The following SVEP1 variants were observed in gnomAD, a reference collection of about 807,000 sequenced individuals.
SVEP1 encodes sushi, von Willebrand factor type A, EGF and pentraxin domain containing 1.
In SVEP1, 164 loss-of-function variants were observed where a neutral mutation model predicts 367.3. The observed-to-expected ratio is 0.45, with a 90% CI of 0.39 to 0.51. The LOEUF (loss-of-function observed/expected upper bound fraction) is 0.51, where lower values mean the gene tolerates loss of function less well. Ranked by LOEUF, SVEP1 falls within the 20% of genes least tolerant of loss-of-function variation. The pLI is 0.00. For missense variants in SVEP1, 4,117 were observed against 4,425.3 expected (o/e 0.93, Z 1.98); for synonymous variants, 1,666 against 1,611.6 (o/e 1.03, Z -0.81).
rs1430957380 is a variant in SVEP1 at position 110,500,045 on chromosome 9, T to C, written c.1484-807A>G. Among the ~76,000 whole-genome samples the C allele has an allele frequency of 2.0e-5, 3 of 152,234 alleles. No homozygotes were observed. In the East Asian group the frequency reaches 5.8e-4, roughly 29 times the overall value. On this transcript the variant is annotated intron_variant, in intron 6 of 47. Transcript: ENST00000374469. The stretch of plus-strand genomic sequence containing the variant: ...TGTAAGAAGTATTCCAACTTACAAA[T>C]GAAAACTGAGCACACTAGTAACTTT...
intron 3 of SVEP1, among the ~76,000 whole-genome samples, chr9:110,535,235 G>A (rs1830064704): frequency 6.6e-6 from 1 of 152,066 alleles, no homozygotes; most frequent in Non-Finnish European, 1.5e-5. Context: ...TTCTGCATAT[G>A]GCTAGCCAGT....
intron 2 of SVEP1, among the ~76,000 whole-genome samples, chr9:110,548,573 G>T (rs1049687496): frequency 1.4e-4 from 21 of 152,044 alleles, no homozygotes; most frequent in African/African-American, 5.1e-4. Context: ...CAAAAAAACA[G>T]AAAACGTCAG....
rs760597453 is a variant in SVEP1, at chr9:110,408,306, G to A, written c.7294C>T (p.Leu2432=). 1.2e-6 allele frequency: 2 copies of A among 1,613,994 alleles called. No homozygotes were observed. The highest frequency in any genetic ancestry group is 4.5e-5 in the East Asian group (2 of 44,878). ...CATTCTACTGGAACACATTCTGGCA[G>A]TGGAGAGCTCCAGGTGCCATCAGGT... ...CQPDGTWSSP[L]PECVPVECPQ... is the part of the protein sequence containing the mutation. Residue 2432 remains leucine, a synonymous_variant, in exon 38 of 48, where the codon CTG becomes TTG. Coordinates refer to ENST00000374469, the MANE Select transcript of SVEP1 (RefSeq NM_153366.4).
At chr9:110,516,156 A>G (rs1266796242) in intron 3 of SVEP1, among the ~76,000 whole-genome samples, 1 of 149,280 alleles carries the variant, frequency 6.7e-6, no homozygotes, top group African/African-American at 2.4e-5. Flanking sequence ...AAAATATAAT[A>G]TACTAAAACT....
chr9:110,530,725 CG>C (rs1407383001), intron 3 of SVEP1, among the ~76,000 whole-genome samples: 8 of 151,806 alleles, frequency 5.3e-5, no homozygotes, highest in African/African-American at 1.9e-4. Flanking sequence ...TTTGTAGAGA[CG>C]GGGTCTCACC....
At chr9:110,404,174 C>T (rs188267822) in intron 39 of SVEP1, among the ~76,000 whole-genome samples, 153 bp downstream of exon 39, 1 of 152,174 alleles carries the variant, frequency 6.6e-6, no homozygotes, top group Admixed American at 6.5e-5. Flanking sequence ...ATACATTTTA[C>T]TATATTTTCT....
chr9:110,403,947 G>T (rs1051348432), intron 39 of SVEP1, among the ~76,000 whole-genome samples: 13 of 151,382 alleles, frequency 8.6e-5, no homozygotes, highest in African/African-American at 3.1e-4. Context: ...CAGAGAAGAG[G>T]ATTTGACACC....
At chr9:110,481,560 T>G in intron 11 of SVEP1, 124 bp from the exon 12 acceptor site, 2 of 636,816 alleles carry the variant, frequency 3.1e-6, no homozygotes, top group Non-Finnish European at 4.8e-6. Flanking sequence ...GAAAAGCTTT[T>G]ACCATATGTC....
At chr9:110,396,560 G>A (rs1456757474) in intron 40 of SVEP1, among the ~76,000 whole-genome samples, 3 of 151,856 alleles carry the variant, frequency 2.0e-5, no homozygotes, top group Non-Finnish European at 4.4e-5. Context: ...GAATCCAGGA[G>A]CTGGCTTTTT....
chr9:110,541,693 A>G (rs1458882174), intron 3 of SVEP1, among the ~76,000 whole-genome samples: 1 of 151,528 alleles, frequency 6.6e-6, no homozygotes, highest in African/African-American at 2.4e-5. Context: ...ATTCTCTATT[A>G]ACCCAACTAG....
chr9:110,483,838 TA>T (rs1224158338), intron 9 of SVEP1, 145 bp from the exon 10 acceptor site: 1 of 477,282 alleles, frequency 2.1e-6, no homozygotes, highest in Non-Finnish European at 3.6e-6. Flanking sequence ...GCTCCTGTGA[TA>T]TCTTTTCCCT....
At chr9:110,410,399 G>A (rs757156271) in intron 37 of SVEP1, among the ~76,000 whole-genome samples, 11 of 152,138 alleles carry the variant, frequency 7.2e-5, no homozygotes, top group Non-Finnish European at 1.5e-4. Flanking sequence ...TACCAAAACA[G>A]AATTGTAAAA....
intron 23 of SVEP1, 42 bp from the exon 24 acceptor site, chr9:110,450,302 T>G (rs1440358726): frequency 1.3e-6 from 2 of 1,597,096 alleles, no homozygotes; most frequent in Non-Finnish European, 1.7e-6. Flanking sequence ...AATGATTAAC[T>G]CCCTGGGAAC....
chr9:110,379,504 A>T lies in SVEP1; in HGVS notation c.10251T>A (p.Gly3417=), dbSNP rs1405791056. 2.5e-6 allele frequency: 4 copies of T among 1,613,648 alleles called. No homozygotes were observed. The highest frequency in any genetic ancestry group is 1.3e-5 in the African/African-American group (1 of 75,032). The change falls in exon 44 of 48, where the codon GGT becomes GGA. Residue 3417 remains glycine, a synonymous_variant. Transcript: ENST00000374469. ...TSAKCEKISC[G]PPAHVENAIA... is the part of the protein sequence containing the mutation. ...TTGCATTTTCTACGTGAGCTGGTGG[A>T]CCACATGAGATTTCTACAGGATAAC...
intron 21 of SVEP1, among the ~76,000 whole-genome samples, chr9:110,456,329 T>C (rs552127615): frequency 6.6e-6 from 1 of 152,366 alleles, no homozygotes; most frequent in African/African-American, 2.4e-5. Flanking sequence ...ATGATTCTGA[T>C]GCACACGACT....
chr9:110,579,638 A>AGCTGGGCGCGGG lies in SVEP1; in HGVS notation c.-107_-96dup. On this transcript the variant is annotated 5_prime_UTR_variant, in exon 1 of 48. Coordinates refer to ENST00000374469, the MANE Select transcript of SVEP1 (RefSeq NM_153366.4). This position sits in a 1 kb window ranked among gnomAD's most constrained non-coding sequence, Gnocchi z 5.3. The stretch of plus-strand genomic sequence containing the variant: ...CGGACTCGCAGAGGGGCGTGCGCGG[A>AGCTGGGCGCGGG]GCTGGGCGCGGGGCAGCGGCCAAGA... The AGCTGGGCGCGGG allele has an allele frequency of 7.2e-7, 1 of 1,388,776 alleles. No homozygotes were observed. Among genetic ancestry groups the AGCTGGGCGCGGG allele is most frequent in the East Asian group, 2.9e-5 (1 of 35,036 alleles). The allele number at this position is 1,388,776 out of a possible 1,614,324, so 86.0% of individuals were successfully genotyped here.
At chr9:110,369,405 TTAAAA>T (rs569063336) in intron 47 of SVEP1, among the ~76,000 whole-genome samples, 23 of 152,354 alleles carry the variant, frequency 1.5e-4, no homozygotes, top group African/African-American at 5.3e-4. Flanking sequence ...ATATATTACT[TTAAAA>T]TAAACGTTTC....
At chr9:110,429,886 C>G in intron 34 of SVEP1, 34 bp downstream of exon 34, 1 of 1,579,760 alleles carries the variant, frequency 6.3e-7, no homozygotes, top group Non-Finnish European at 8.7e-7. Flanking sequence ...CCATCAACAT[C>G]TTCTACAATA....
chr9:110,375,367 C>T lies in SVEP1; in HGVS notation c.10600+1G>A. The T allele has an allele frequency of 6.5e-7, 1 of 1,541,066 alleles. No homozygotes were observed. Among genetic ancestry groups the T allele is most frequent in the Non-Finnish European group, 8.8e-7 (1 of 1,141,800 alleles). On this transcript the variant is annotated splice_donor_variant, in intron 46 of 47. Transcript: ENST00000374469. LOFTEE classifies it high-confidence loss of function. Reference sequence around the variant, plus strand: ...GAAAACAAACCATGAAAGAGGCCTACCTGTATGACAGCGAGACCCCGTCCA... The same window carrying T: ...GAAAACAAACCATGAAAGAGGCCTATCTGTATGACAGCGAGACCCCGTCCA...
Sources: allele counts gnomAD v4.1 joint callset (sites outside exome capture counted in the v4.1 genomes callset), GRCh38; gene constraint gnomAD v4.1.1; non-coding constraint Gnocchi (gnomAD v3.1); transcripts MANE v1.5; gene names NCBI Gene and HGNC (gene_info 2026-07-23, HGNC 2026-07-21).